Variants in PLCL1 observed in about 807,000 individuals in gnomAD.
PLCL1 encodes phospholipase C like 1 (inactive), also known as inactive phospholipase C-like protein 1.
A neutral mutation model predicts 84.4 loss-of-function variants in PLCL1; 41 were observed. That is an observed-to-expected ratio of 0.49 (90% CI 0.38 to 0.63). PLCL1 has a LOEUF of 0.63. Ranked by LOEUF, PLCL1 falls within the 30% of genes least tolerant of loss-of-function variation. PLCL1 has a pLI of 0.00. For missense variants in PLCL1, 1,206 were observed against 1,367.8 expected (o/e 0.88, Z 1.87); for synonymous variants, 490 against 488.3 (o/e 1.00, Z -0.05).
intron 1 of PLCL1, among the ~76,000 whole-genome samples, chr2:198,079,123 T>C (rs1692649812): frequency 6.6e-6 from 1 of 151,978 alleles, no homozygotes; most frequent in Admixed American, 6.6e-5. Flanking sequence ...AAATGATTTT[T>C]TTTTTAATTT....
rs114064038 is a variant in PLCL1, at chr2:197,898,183, C to T, written c.240+92844C>T. Among the ~76,000 whole-genome samples the T allele has an allele frequency of 3.4e-3, 520 of 152,246 alleles. 3 individuals carry two copies. The highest frequency in any genetic ancestry group is 0.012 in the African/African-American group (483 of 41,534). On this transcript the variant is annotated intron_variant, in intron 1 of 5. Coordinates refer to ENST00000428675, the MANE Select transcript of PLCL1 (RefSeq NM_006226.4). ...GCAGGGCTGGATGTCCTGATCTGAA[C>T]ACCAAGTGTAGTTAGTTCAAATTTC...
At chr2:197,962,608 T>C (rs1689646027) in intron 1 of PLCL1, among the ~76,000 whole-genome samples, 1 of 152,036 alleles carries the variant, frequency 6.6e-6, no homozygotes, top group Admixed American at 6.6e-5. Context: ...GGTCCAATTA[T>C]ACTTTTAGTT....
At position 198,147,043 on chromosome 2, in the gene PLCL1, A is replaced by G. The variant is rs143479265; in HGVS notation, c.*81A>G. 117 of 1,222,554 alleles carry G rather than the reference A, an allele frequency of 9.6e-5. No homozygotes were observed. The African/African-American group carries it at 1.5e-3, about 16-fold the overall frequency. 75.7% of individuals were successfully genotyped at this position (1,222,554 alleles called of 1,614,324 possible). ...CTTGTTTTCTTTCTTTAAATGTTTT[A>G]TAAGTTCACAAAATGGTGCCCTATA... On this transcript the variant is annotated 3_prime_UTR_variant, in exon 6 of 6. Transcript: ENST00000428675.
chr2:197,850,353 C>T (rs540771478), intron 1 of PLCL1, among the ~76,000 whole-genome samples: 6 of 152,198 alleles, frequency 3.9e-5, no homozygotes, highest in South Asian at 4.2e-4. Flanking sequence ...TTGGAACATA[C>T]GAACTCAAGG....
chr2:197,897,392 T>A (rs1424308963), intron 1 of PLCL1, among the ~76,000 whole-genome samples: 1 of 152,030 alleles, frequency 6.6e-6, no homozygotes, highest in East Asian at 1.9e-4. Flanking sequence ...ATATAGAGTG[T>A]TTGTGGTTCA....
chr2:197,991,231 A>T (rs183745541), intron 1 of PLCL1, among the ~76,000 whole-genome samples: 1 of 152,206 alleles, frequency 6.6e-6, no homozygotes, highest in Admixed American at 6.5e-5. Flanking sequence ...CTCTCATCTC[A>T]TCTTCTCCTG....
At chr2:197,869,133 G>A (rs978940176) in intron 1 of PLCL1, among the ~76,000 whole-genome samples, 1 of 152,056 alleles carries the variant, frequency 6.6e-6, no homozygotes, top group African/African-American at 2.4e-5. Context: ...TTAAAAATTA[G>A]AGAACAACTT....
chr2:197,838,067 A>C (rs1214265856), intron 1 of PLCL1, among the ~76,000 whole-genome samples: 1 of 152,226 alleles, frequency 6.6e-6, no homozygotes, highest in Non-Finnish European at 1.5e-5. Context: ...CAGCAGCTGA[A>C]ATTGATAGGT....
rs1215315731 is a variant in PLCL1 at position 197,866,034 on chromosome 2, A to ATAT, written c.240+60695_240+60696insTAT. 1.3e-3 allele frequency among the ~76,000 whole-genome samples: 54 copies of ATAT among 41,714 alleles called. 4 individuals carry two copies. The highest frequency in any genetic ancestry group is 0.013 in the Middle Eastern group (1 of 76). 27.4% of individuals were successfully genotyped at this position (41,714 alleles called of 152,430 possible). ...CCAAAAAAAAAAAAAAAAAAAAAAAAAAATATATATATATATATACACACA... is the reference window on the plus strand; with the variant it reads ...CCAAAAAAAAAAAAAAAAAAAAAAAATATAAATATATATATATATATACACACA... On this transcript the variant is annotated intron_variant, in intron 1 of 5. Transcript: ENST00000428675.
chr2:197,993,921 G>T (rs1204095365), intron 1 of PLCL1, among the ~76,000 whole-genome samples: 1 of 152,110 alleles, frequency 6.6e-6, no homozygotes. Context: ...TTCCTCTTTG[G>T]TCCACAGGAT....
intron 1 of PLCL1, among the ~76,000 whole-genome samples, chr2:197,862,515 G>C (rs530867045): frequency 5.9e-5 from 9 of 152,152 alleles, no homozygotes; most frequent in Non-Finnish European, 1.2e-4. Context: ...AGGGTTAAGA[G>C]GAATACATTT....
chr2:197,961,084 G>C (rs902123121), intron 1 of PLCL1, among the ~76,000 whole-genome samples: 2 of 152,004 alleles, frequency 1.3e-5, no homozygotes, highest in African/African-American at 4.8e-5. Flanking sequence ...AGTCATAAAT[G>C]TATTAGCTTT....
intron 1 of PLCL1, among the ~76,000 whole-genome samples, chr2:197,832,172 G>C (rs1691081022): frequency 6.6e-6 from 1 of 152,016 alleles, no homozygotes. Flanking sequence ...AACTGAAGGA[G>C]ATAGAGCCAC....
chr2:198,028,911 G>A (rs895770029), intron 1 of PLCL1, among the ~76,000 whole-genome samples: 1 of 152,086 alleles, frequency 6.6e-6, no homozygotes, highest in Non-Finnish European at 1.5e-5. Flanking sequence ...TCTATTTAAA[G>A]AGAAGATATT....
intron 1 of PLCL1, among the ~76,000 whole-genome samples, chr2:198,076,811 T>A (rs1216492733): frequency 6.6e-6 from 1 of 152,222 alleles, no homozygotes; most frequent in Non-Finnish European, 1.5e-5. Context: ...GACTTCCCTT[T>A]TCTGAAACTT....
chr2:197,938,061 G>A (rs941257634), intron 1 of PLCL1, among the ~76,000 whole-genome samples: 4 of 152,154 alleles, frequency 2.6e-5, no homozygotes, highest in Non-Finnish European at 4.4e-5. Context: ...TCACATCTAT[G>A]TCTCACAGAT....
chr2:198,013,218 C>T (rs1187590181), intron 1 of PLCL1, among the ~76,000 whole-genome samples: 1 of 152,002 alleles, frequency 6.6e-6, no homozygotes, highest in African/African-American at 2.4e-5. Context: ...GTCCATTGGT[C>T]ATTTTTAAGT....
At chr2:197,952,292 C>T (rs1689403868) in intron 1 of PLCL1, among the ~76,000 whole-genome samples, 1 of 152,086 alleles carries the variant, frequency 6.6e-6, no homozygotes, top group Non-Finnish European at 1.5e-5. Context: ...TAAACCTTCC[C>T]AGCCCTAAGT....
intron 1 of PLCL1, among the ~76,000 whole-genome samples, chr2:197,811,068 T>C (rs867644037): frequency 6.6e-6 from 1 of 152,218 alleles, no homozygotes; most frequent in Middle Eastern, 3.2e-3. Flanking sequence ...GTTTTAATAA[T>C]GTAAAAGAGG....
Sources: allele counts gnomAD v4.1 joint callset (sites outside exome capture counted in the v4.1 genomes callset), GRCh38; gene constraint gnomAD v4.1.1; transcripts MANE v1.5; gene names NCBI Gene and HGNC (gene_info 2026-07-23, HGNC 2026-07-21).